The following CFAP299 variants were observed in gnomAD, a reference collection of about 807,000 sequenced individuals.
CFAP299 encodes the protein cilia and flagella associated protein 299, also known as cilia- and flagella-associated protein 299.
A neutral mutation model predicts 27.0 loss-of-function variants in CFAP299; 21 were observed. The observed-to-expected ratio is 0.78, with a 90% CI of 0.55 to 1.12. The LOEUF (loss-of-function observed/expected upper bound fraction) is 1.12. CFAP299 is among the 50% of genes most tolerant of loss of function. The pLI, the probability that CFAP299 is intolerant of heterozygous loss-of-function variation, is 0.00. For missense variants in CFAP299, 310 were observed against 276.6 expected, an observed-to-expected ratio of 1.12 and a Z score of -0.86; for synonymous variants, 104 against 98.1, an observed-to-expected ratio of 1.06 and a Z score of -0.36.
chr4:80,620,132 G>A (rs2109930100), intron 3 of CFAP299, among the ~76,000 whole-genome samples: 1 of 152,228 alleles, frequency 6.6e-6, no homozygotes, highest in South Asian at 2.1e-4. Flanking sequence ...TGTATGGAAA[G>A]TGATGTGAAA....
intron 3 of CFAP299, among the ~76,000 whole-genome samples, chr4:80,588,678 T>C (rs942739407): frequency 6.9e-6 from 1 of 144,194 alleles, no homozygotes; most frequent in Admixed American, 6.7e-5. Context: ...CCATATATAA[T>C]TCATGCTGTG....
intron 3 of CFAP299, among the ~76,000 whole-genome samples, chr4:80,665,125 T>C (rs1372005833): frequency 6.6e-6 from 1 of 152,162 alleles, no homozygotes; most frequent in African/African-American, 2.4e-5. Context: ...ATCACCTACC[T>C]TCTGCATTTG....
intron 3 of CFAP299, among the ~76,000 whole-genome samples, chr4:80,681,702 A>C (rs899460016): frequency 6.6e-6 from 1 of 152,212 alleles, no homozygotes; most frequent in Non-Finnish European, 1.5e-5. Flanking sequence ...AGGCTTAGCC[A>C]AAAGTAATTT....
intron 2 of CFAP299, among the ~76,000 whole-genome samples, chr4:80,396,135 G>A (rs927941001): frequency 4.6e-5 from 7 of 151,930 alleles, no homozygotes; most frequent in East Asian, 1.9e-4. Flanking sequence ...ATTATTTTTC[G>A]TGTTTGTTTT....
chr4:80,509,314 T>C (rs1732186243), intron 2 of CFAP299, among the ~76,000 whole-genome samples: 1 of 152,188 alleles, frequency 6.6e-6, no homozygotes, highest in African/African-American at 2.4e-5. Flanking sequence ...TGAGGAAATA[T>C]TTTAGAGCAA....
At chr4:80,773,620 T>C (rs1355878562) in intron 3 of CFAP299, among the ~76,000 whole-genome samples, 1 of 152,138 alleles carries the variant, frequency 6.6e-6, no homozygotes, top group Non-Finnish European at 1.5e-5. Flanking sequence ...GAATTTTAAA[T>C]ATAAATGATA....
At chr4:80,337,538 C>T (rs1236986772) in intron 1 of CFAP299, among the ~76,000 whole-genome samples, 2 of 152,030 alleles carry the variant, frequency 1.3e-5, no homozygotes, top group African/African-American at 4.8e-5. Context: ...TCTGGGATTA[C>T]AGGTCTGCAC....
At chr4:80,604,842 A>G (rs1737562618) in intron 3 of CFAP299, among the ~76,000 whole-genome samples, 1 of 151,828 alleles carries the variant, frequency 6.6e-6, no homozygotes. Context: ...ATGGATAGAT[A>G]TTAATGACTT....
chr4:80,408,793 T>C (rs1216594957), intron 2 of CFAP299, among the ~76,000 whole-genome samples: 1 of 149,616 alleles, frequency 6.7e-6, no homozygotes, highest in African/African-American at 2.5e-5. Flanking sequence ...TTACTTACTT[T>C]TTTAAAAATT....
chr4:80,516,213 T>G (rs7673624), intron 2 of CFAP299, among the ~76,000 whole-genome samples: 52,690 of 151,340 alleles, frequency 0.35, 11,021 homozygotes, highest in African/African-American at 0.59. Context: ...TAGAGACAGG[T>G]TTTCACTGTG....
intron 3 of CFAP299, among the ~76,000 whole-genome samples, chr4:80,839,833 A>C (rs1476615703): frequency 6.6e-6 from 1 of 152,068 alleles, no homozygotes; most frequent in Non-Finnish European, 1.5e-5. Flanking sequence ...TACATAGCCC[A>C]TATGCCTTTC....
chr4:80,439,716 G>T (rs1560568147), intron 2 of CFAP299, among the ~76,000 whole-genome samples: 1 of 152,118 alleles, frequency 6.6e-6, no homozygotes, highest in African/African-American at 2.4e-5. Flanking sequence ...CCTGGAAAGG[G>T]GGCTGAAGCC....
intron 3 of CFAP299, among the ~76,000 whole-genome samples, chr4:80,615,527 A>G (rs1738225539): frequency 6.7e-6 from 1 of 149,784 alleles, no homozygotes. Flanking sequence ...GCTTGCAGGC[A>G]TCTTTCTTTC....
chr4:80,914,069 T>A (rs1023757804), intron 4 of CFAP299, among the ~76,000 whole-genome samples: 1 of 152,192 alleles, frequency 6.6e-6, no homozygotes, highest in African/African-American at 2.4e-5. Flanking sequence ...TATAAAGATA[T>A]GCCACGATTT....
At position 80,433,704 on chromosome 4, in the gene CFAP299, T is replaced by C. The variant is rs150325628; in HGVS notation, c.242+70820T>C. 2.1e-4 allele frequency among the ~76,000 whole-genome samples: 32 copies of C among 152,212 alleles called. No homozygotes were observed. In the East Asian group the frequency reaches 5.6e-3, roughly 27 times the overall value. On this transcript the variant is annotated intron_variant, in intron 2 of 5. Coordinates refer to ENST00000358105, the MANE Select transcript of CFAP299 (RefSeq NM_152770.3). The stretch of plus-strand genomic sequence containing the variant: ...TACAATGTAACATTTTATAAATAAG[T>C]AGTAATTAATTTATTTGCTCTCAGA...
intron 3 of CFAP299, among the ~76,000 whole-genome samples, chr4:80,714,859 G>A (rs888331716): frequency 1.3e-5 from 2 of 151,912 alleles, no homozygotes; most frequent in Admixed American, 1.3e-4. Flanking sequence ...AATTGAGCCC[G>A]TTTTGGAAAT....
chr4:80,627,063 A>G (rs1232149003), intron 3 of CFAP299, among the ~76,000 whole-genome samples: 1 of 151,894 alleles, frequency 6.6e-6, no homozygotes, highest in Non-Finnish European at 1.5e-5. Flanking sequence ...CTACAGACCA[A>G]TATCTCTGAT....
At chr4:80,661,351 C>T (rs956403230) in intron 3 of CFAP299, among the ~76,000 whole-genome samples, 4 of 149,484 alleles carry the variant, frequency 2.7e-5, no homozygotes, top group Non-Finnish European at 5.9e-5. Flanking sequence ...AAAAATGTTG[C>T]GGGAAGTCAG....
intron 4 of CFAP299, among the ~76,000 whole-genome samples, chr4:80,905,468 T>C (rs1735135945): frequency 6.6e-6 from 1 of 151,024 alleles, no homozygotes; most frequent in Admixed American, 6.6e-5. Flanking sequence ...GAAATTGATA[T>C]TTTTTTTAAA....
Sources: allele counts gnomAD v4.1 joint callset (sites outside exome capture counted in the v4.1 genomes callset), GRCh38; gene constraint gnomAD v4.1.1; transcripts MANE v1.5; gene names NCBI Gene and HGNC (gene_info 2026-07-23, HGNC 2026-07-21).